The following HTT-AS variants were observed in gnomAD, a reference collection of about 807,000 sequenced individuals.
The protein encoded by HTT-AS is HTT antisense RNA (head to head).
At chr4:3,061,304 G>T (rs2110122686) in intron 2 of HTT-AS, among the ~76,000 whole-genome samples, 1 of 152,328 alleles carries the variant, frequency 6.6e-6, no homozygotes, top group South Asian at 2.1e-4. Context: ...TTGAGGCAGG[G>T]AGAGAGCTTC....
chr4:3,052,404 C>G (rs1337232584), intron 2 of HTT-AS, among the ~76,000 whole-genome samples: 1 of 152,124 alleles, frequency 6.6e-6, no homozygotes, highest in Non-Finnish European at 1.5e-5. Flanking sequence ...CTCTAACAGC[C>G]TGGGACTCCT....
At chr4:3,069,127 G>A (rs535393046) in intron 1 of HTT-AS, among the ~76,000 whole-genome samples, 16 of 151,432 alleles carry the variant, frequency 1.1e-4, no homozygotes, top group Admixed American at 2.0e-4. Context: ...GGGTGACCAT[G>A]AAAAGAGGAG....
chr4:3,058,134 T>C (rs1413484172), intron 2 of HTT-AS, among the ~76,000 whole-genome samples: 9 of 151,630 alleles, frequency 5.9e-5, no homozygotes, highest in South Asian at 2.1e-4. Flanking sequence ...TGAGACCAGC[T>C]TGACCAACAT....
intron 2 of HTT-AS, among the ~76,000 whole-genome samples, chr4:3,061,986 TAAAAAAAAAAAA>T (rs548695397): frequency 9.5e-5 from 6 of 63,420 alleles, no homozygotes; most frequent in Admixed American, 2.1e-4. Flanking sequence ...TATCTCAAAT[TAAAAAAAAAAAA>T]AAAAAAAAAA....
downstream of HTT-AS, among the ~76,000 whole-genome samples, chr4:3,048,218 C>T (rs1711636190): frequency 6.6e-6 from 1 of 152,136 alleles, no homozygotes; most frequent in South Asian, 2.1e-4. Flanking sequence ...AGGGCTGGAC[C>T]CTACAGGCGA....
At chr4:3,054,725 T>G (rs577553237) in intron 2 of HTT-AS, among the ~76,000 whole-genome samples, 5 of 152,078 alleles carry the variant, frequency 3.3e-5, no homozygotes, top group Non-Finnish European at 5.9e-5. Flanking sequence ...TTTCTATTTT[T>G]TTTTTTTGAG....
Sources: allele counts gnomAD v4.1 joint callset (sites outside exome capture counted in the v4.1 genomes callset), GRCh38; gene constraint gnomAD v4.1.1; transcripts MANE v1.5; gene names NCBI Gene and HGNC (gene_info 2026-07-23, HGNC 2026-07-21).